The following DISC1 variants were observed in gnomAD, a reference collection of about 807,000 sequenced individuals.
The protein encoded by DISC1 is disrupted in schizophrenia 1 protein.
DISC1 carries 57 observed loss-of-function variants against 84.5 expected under a neutral mutation model. The observed-to-expected ratio is 0.67, with a 90% confidence interval of 0.55 to 0.84. The LOEUF (loss-of-function observed/expected upper bound fraction) is 0.84, where lower values mean the gene tolerates loss of function less well. Among genes scored for constraint, DISC1 ranks in the 40% least tolerant of loss-of-function variants. The pLI, the probability that DISC1 is intolerant of heterozygous loss-of-function variation, is 0.00. For synonymous variants in DISC1, 411 were observed against 415.2 expected (o/e 0.99, Z 0.12); for missense variants, 1,000 against 1,057.8 (o/e 0.95, Z 0.76).
chr1:231,647,974 T>C (rs561592744), intron 1 of DISC1, among the ~76,000 whole-genome samples: 1 of 152,268 alleles, frequency 6.6e-6, no homozygotes, highest in Non-Finnish European at 1.5e-5. Flanking sequence ...GATGATGGGG[T>C]TTTCTAAATA....
At chr1:232,034,699 A>G (rs1670355356) in intron 12 of DISC1, among the ~76,000 whole-genome samples, 1 of 152,214 alleles carries the variant, frequency 6.6e-6, no homozygotes, top group African/African-American at 2.4e-5. Context: ...AAAGGTAATT[A>G]AATCTCAGGA....
At position 231,631,249 on chromosome 1, in the gene DISC1, T is replaced by G. The variant is rs569995515; in HGVS notation, c.67+4315T>G. ...TGCAGAGACATAGTCTCAAAATAAG[T>G]GCAGTCATGCCTCGCATAATGACGT... On this transcript the variant is annotated intron_variant, in intron 1 of 12. Transcript: ENST00000439617. Among the ~76,000 whole-genome samples, 13 of 152,322 alleles carry G rather than the reference T, an allele frequency of 8.5e-5. No homozygotes were observed. In the South Asian group the frequency reaches 2.7e-3, roughly 32 times the overall value.
chr1:232,004,875 C>G (rs189031258), intron 10 of DISC1, among the ~76,000 whole-genome samples: 31,573 of 122,088 alleles, frequency 0.26, 4,532 homozygotes, highest in African/African-American at 0.28. Flanking sequence ...CTGCCTCCCT[C>G]CCTCCCTCCC....
chr1:232,013,689 G>T (rs1296798600), intron 11 of DISC1, among the ~76,000 whole-genome samples: 1 of 152,172 alleles, frequency 6.6e-6, no homozygotes, highest in African/African-American at 2.4e-5. Context: ...GTTATAGACT[G>T]GGGGGTGAGC....
At chr1:231,871,411 C>T (rs1394373503) in intron 9 of DISC1, among the ~76,000 whole-genome samples, 1 of 152,158 alleles carries the variant, frequency 6.6e-6, no homozygotes, top group African/African-American at 2.4e-5. Flanking sequence ...TTAATTAATA[C>T]ATTTCCTTGG....
chr1:231,781,829 G>T (rs2077453355), intron 6 of DISC1, among the ~76,000 whole-genome samples: 1 of 152,224 alleles, frequency 6.6e-6, no homozygotes, highest in Non-Finnish European at 1.5e-5. Flanking sequence ...GAGAAGAGCA[G>T]AAGTTTTGGA....
chr1:231,899,171 G>A (rs1360447344), intron 9 of DISC1, among the ~76,000 whole-genome samples: 4 of 152,106 alleles, frequency 2.6e-5, no homozygotes, highest in African/African-American at 9.7e-5. Context: ...CAGGAAAAGG[G>A]TAGAATTCCA....
rs1572621112 is a variant in DISC1 at position 232,009,344 on chromosome 1, A to G, written c.2307+295A>G. On this transcript the variant is annotated intron_variant, in intron 11 of 12. Coordinates refer to ENST00000439617, the MANE Select transcript of DISC1 (RefSeq NM_018662.3). The surrounding 1 kb of genome is among the most constrained non-coding windows in gnomAD (Gnocchi z 4.6). ...AATATAGAATTACCATATATAGCAT[A>G]CATTATATATGTCATATATAATATA... 9.3e-6 allele frequency: 10 copies of G among 1,074,344 alleles called. No homozygotes were observed. In the East Asian group the frequency reaches 5.3e-4, roughly 57 times the overall value. The allele number at this position is 1,074,344 out of a possible 1,614,324, so 66.6% of individuals were successfully genotyped here.
intron 6 of DISC1, among the ~76,000 whole-genome samples, chr1:231,791,876 A>G (rs1372589473): frequency 6.6e-6 from 1 of 152,192 alleles, no homozygotes; most frequent in East Asian, 1.9e-4. Flanking sequence ...CAGCAGCAAC[A>G]TGTGTGTATG....
chr1:231,714,614 GAAAC>G (rs971850729), intron 3 of DISC1, among the ~76,000 whole-genome samples: 6 of 151,576 alleles, frequency 4.0e-5, no homozygotes, highest in South Asian at 4.2e-4. Context: ...AGAAGAGAGA[GAAAC>G]AGAGAGAGAG....
At chr1:231,956,228 A>G (rs1230379961) in intron 9 of DISC1, among the ~76,000 whole-genome samples, 2 of 152,180 alleles carry the variant, frequency 1.3e-5, no homozygotes, top group Non-Finnish European at 2.9e-5. Flanking sequence ...CATTTTTCAT[A>G]TGCTTCATTG....
At chr1:231,866,720 T>C in intron 9 of DISC1, 1 of 1,351,252 alleles carries the variant, frequency 7.4e-7, no homozygotes, top group Non-Finnish European at 9.5e-7. Flanking sequence ...AAAGCATGTC[T>C]TCGACTTTCT....
At chr1:231,989,000 C>A (rs1022147604) in intron 10 of DISC1, among the ~76,000 whole-genome samples, 2 of 152,180 alleles carry the variant, frequency 1.3e-5, no homozygotes, top group African/African-American at 4.8e-5. Context: ...GTAAGCAGCA[C>A]CAGCCTCTGG....
chr1:231,982,247 T>C (rs1663713302), intron 10 of DISC1, among the ~76,000 whole-genome samples: 1 of 152,034 alleles, frequency 6.6e-6, no homozygotes, highest in Non-Finnish European at 1.5e-5. Context: ...CAATGCAAAG[T>C]ATTGATTAAA....
At chr1:231,829,680 G>A (rs974125711) in intron 9 of DISC1, among the ~76,000 whole-genome samples, 2 of 152,112 alleles carry the variant, frequency 1.3e-5, no homozygotes, top group African/African-American at 2.4e-5. Context: ...TTTCACTCAC[G>A]TCCGTGTGAA....
At chr1:231,643,141 T>C (rs533338003) in intron 1 of DISC1, among the ~76,000 whole-genome samples, 22 of 152,310 alleles carry the variant, frequency 1.4e-4, no homozygotes, top group Non-Finnish European at 2.5e-4. Context: ...TAGCATTGTC[T>C]GCAGTGAGTG....
chr1:231,835,614 A>G (rs577997016), intron 9 of DISC1, among the ~76,000 whole-genome samples: 2 of 152,272 alleles, frequency 1.3e-5, no homozygotes, highest in East Asian at 3.9e-4. Context: ...GTCACAGGGG[A>G]TATGATGGCT....
At chr1:231,981,845 G>T (rs1449835370) in intron 10 of DISC1, among the ~76,000 whole-genome samples, 3 of 152,170 alleles carry the variant, frequency 2.0e-5, no homozygotes, top group African/African-American at 7.2e-5. Context: ...TTTGACGGTC[G>T]GTGAAGGTTG....
At chr1:231,989,977 C>T (rs935111110) in intron 10 of DISC1, among the ~76,000 whole-genome samples, 1 of 152,140 alleles carries the variant, frequency 6.6e-6, no homozygotes, top group Non-Finnish European at 1.5e-5. Context: ...CCCTGTGCTT[C>T]TGGGATAAAA....
Sources: allele counts gnomAD v4.1 joint callset (sites outside exome capture counted in the v4.1 genomes callset), GRCh38; gene constraint gnomAD v4.1.1; non-coding constraint Gnocchi (gnomAD v3.1); transcripts MANE v1.5; gene names NCBI Gene and HGNC (gene_info 2026-07-23, HGNC 2026-07-21).